Variants in PCDHGB4 observed in about 807,000 individuals in gnomAD.
The protein encoded by PCDHGB4 is protocadherin gamma subfamily B, 4.
In PCDHGB4, 38 loss-of-function variants were observed where a neutral mutation model predicts 60.5. The observed-to-expected ratio is 0.63, with a 90% CI of 0.48 to 0.82. The LOEUF (loss-of-function observed/expected upper bound fraction) is 0.82, where lower values mean the gene tolerates loss of function less well. PCDHGB4 is among the 40% of genes least tolerant of loss of function. PCDHGB4 has a pLI of 0.00. For synonymous variants in PCDHGB4, 456 were observed against 509.7 expected (o/e 0.89, Z 1.42); for missense variants, 1,109 against 1,209.6 (o/e 0.92, Z 1.23).
In PCDHGB4 at chr5:141,493,755, A is replaced by C. The variant is rs1364524112; in HGVS notation, c.2398-1052A>C. Among the ~76,000 whole-genome samples, 1 of 152,148 alleles carries C rather than the reference A, an allele frequency of 6.6e-6. No homozygotes were observed. The highest frequency in any genetic ancestry group is 2.4e-5 in the African/African-American group (1 of 41,440). On this transcript the variant is annotated intron_variant, in intron 1 of 3. Coordinates refer to ENST00000519479, the MANE Select transcript of PCDHGB4 (RefSeq NM_003736.4). The surrounding 1 kb of genome is among the most constrained non-coding windows in gnomAD (Gnocchi z 4.3). ...ATATCACTGCCACCTGTGAGCCTTG[A>C]GTGAGCCACTGGCAGTTCCGGAGCT...
intron 1 of PCDHGB4, among the ~76,000 whole-genome samples, chr5:141,475,299 T>C (rs1227132122): frequency 6.6e-6 from 1 of 152,204 alleles, no homozygotes; most frequent in Non-Finnish European, 1.5e-5. Context: ...AAATTTCTTA[T>C]TGCTCCCTGG....
chr5:141,477,087 C>T lies in PCDHGB4; in HGVS notation c.2398-17720C>T, dbSNP rs748424193. ...AAACTCCATGAGATTTACATCCAGG[C>T]CAAAGACAAGGGCGCCAATCCCGAA... On this transcript the variant is annotated intron_variant, in intron 1 of 3. Coordinates refer to ENST00000519479, the MANE Select transcript of PCDHGB4 (RefSeq NM_003736.4). The surrounding 1 kb of genome is among the most constrained non-coding windows in gnomAD (Gnocchi z 4.9). The T allele has an allele frequency of 1.2e-6, 2 of 1,614,244 alleles. No individual in the cohort carries two copies. Among genetic ancestry groups the T allele is most frequent in the Admixed American group, 3.3e-5 (2 of 60,032 alleles).
chr5:141,418,236 T>C, intron 1 of PCDHGB4: 8 of 1,614,030 alleles, frequency 5.0e-6, no homozygotes, highest in Non-Finnish European at 6.8e-6. Flanking sequence ...ATTGAGGATG[T>C]TAATGACCAC....
intron 1 of PCDHGB4, among the ~76,000 whole-genome samples, chr5:141,469,102 A>G (rs1423904196): frequency 6.6e-6 from 1 of 151,626 alleles, no homozygotes; most frequent in East Asian, 1.9e-4. Flanking sequence ...CAAAGCAAGA[A>G]CCTGTCTCTA....
chr5:141,478,011 G>A (rs1216659966), intron 1 of PCDHGB4: 1 of 1,614,088 alleles, frequency 6.2e-7, no homozygotes, highest in East Asian at 2.2e-5. Flanking sequence ...AGTACTGCCC[G>A]TCCAGTCCAA....
rs1488506612 is a variant in PCDHGB4 at position 141,395,336 on chromosome 5, T to G, written c.2397+5055T>G. ...TTGTGAAGATAGTTGAAAATAATTTTTAAGGTGTATCACAGAGTTTTGGGT... is the reference window on the plus strand; with the variant it reads ...TTGTGAAGATAGTTGAAAATAATTTGTAAGGTGTATCACAGAGTTTTGGGT... On this transcript the variant is annotated intron_variant, in intron 1 of 3. Coordinates refer to ENST00000519479, the MANE Select transcript of PCDHGB4 (RefSeq NM_003736.4). 5 of 1,435,024 alleles carry G rather than the reference T, an allele frequency of 3.5e-6. No homozygotes were observed. In the African/African-American group the frequency reaches 4.3e-5, roughly 12 times the overall value. The allele number at this position is 1,435,024 out of a possible 1,614,324, so 88.9% of individuals were successfully genotyped here. A position where few individuals can be genotyped will look rare whatever the true frequency, so the allele number is the denominator to read the frequency against.
Position 141,476,855 on chromosome 5 carries a change from T to C in PCDHGB4, c.2398-17952T>C, listed in dbSNP as rs149491772. The C allele has an allele frequency of 3.2e-4, 519 of 1,613,836 alleles. 3 individuals carry two copies. The African/African-American group carries it at 6.2e-3, about 19-fold the overall frequency. Reference sequence around the variant, plus strand: ...TGACAATGCGCCTGTCTTCAACCAGTCCTTGTACCGGGCGCGCGTCCTGGA... The same window carrying C: ...TGACAATGCGCCTGTCTTCAACCAGCCCTTGTACCGGGCGCGCGTCCTGGA... On this transcript the variant is annotated intron_variant, in intron 1 of 3. Coordinates refer to ENST00000519479, the MANE Select transcript of PCDHGB4 (RefSeq NM_003736.4). This position sits in a 1 kb window ranked among gnomAD's most constrained non-coding sequence, Gnocchi z 7.6.
At chr5:141,413,389 T>C (rs370906684) in intron 1 of PCDHGB4, 1 of 1,613,986 alleles carries the variant, frequency 6.2e-7, no homozygotes, top group South Asian at 1.1e-5. Context: ...CCGCATAGTC[T>C]CCAGAGGTAG....
chr5:141,409,736 G>A (rs1053484390), intron 1 of PCDHGB4: 3 of 1,613,110 alleles, frequency 1.9e-6, no homozygotes, highest in Non-Finnish European at 2.5e-6. Flanking sequence ...CGCGCAGAGC[G>A]GGGTGGTGTT....
chr5:141,422,961 G>A, intron 1 of PCDHGB4: 1 of 1,614,234 alleles, frequency 6.2e-7, no homozygotes, highest in Non-Finnish European at 8.5e-7. Flanking sequence ...GCGTGGAGCT[G>A]GCGCCCCGCT....
chr5:141,505,259 C>A, intron 2 of PCDHGB4, 134 bp from the exon 3 acceptor site: 1 of 1,500,262 alleles, frequency 6.7e-7, no homozygotes, highest in Non-Finnish European at 8.9e-7. Context: ...GTGCCTCCTA[C>A]CTTGCTGAGA....
At chr5:141,453,865 A>T (rs1048679358) in intron 1 of PCDHGB4, among the ~76,000 whole-genome samples, 2 of 152,234 alleles carry the variant, frequency 1.3e-5, no homozygotes, top group African/African-American at 4.8e-5. Flanking sequence ...AAAATAACAG[A>T]TGAGCAAAAT....
In PCDHGB4 at chr5:141,431,321, G is replaced by A. The variant is rs112186927; in HGVS notation, c.2397+41040G>A. The A allele has an allele frequency of 1.2e-6, 2 of 1,613,938 alleles. No individual in the cohort carries two copies. The highest frequency in any genetic ancestry group is 1.3e-5 in the African/African-American group (1 of 74,910). ...CCTCATCGTGCAAAATGGAGCCGAC[G>A]GTAGTAAGTACCCCGAATTGGTGCT... is the stretch of plus-strand genomic sequence containing the variant. On this transcript the variant is annotated intron_variant, in intron 1 of 3. Transcript: ENST00000519479. The surrounding 1 kb of genome is among the most constrained non-coding windows in gnomAD (Gnocchi z 4.8).
At chr5:141,444,059 T>C (rs2098415588) in intron 1 of PCDHGB4, among the ~76,000 whole-genome samples, 1 of 150,620 alleles carries the variant, frequency 6.6e-6, no homozygotes, top group Admixed American at 6.6e-5. Flanking sequence ...ATCTTCAATC[T>C]AGATTCTGAT....
intron 1 of PCDHGB4, chr5:141,418,840 C>T: frequency 6.2e-7 from 1 of 1,614,006 alleles, no homozygotes; most frequent in Middle Eastern, 1.6e-4. Context: ...GAGGATCTCT[C>T]TCAACACGGT....
chr5:141,393,794 T>C, intron 1 of PCDHGB4: 1 of 1,613,934 alleles, frequency 6.2e-7, no homozygotes, highest in South Asian at 1.1e-5. Flanking sequence ...TGGGGGCACT[T>C]CTGGGGAGGA....
chr5:141,489,101 T>G lies in PCDHGB4; in HGVS notation c.2398-5706T>G. 1 of 398,408 alleles carries G rather than the reference T, an allele frequency of 2.5e-6. No homozygotes were observed. Among genetic ancestry groups the G allele is most frequent in the Non-Finnish European group, 4.5e-6 (1 of 223,328 alleles). The allele number at this position is 398,408 out of a possible 1,614,324, so 24.7% of individuals were successfully genotyped here. On this transcript the variant is annotated intron_variant, in intron 1 of 3. Transcript: ENST00000519479. The surrounding 1 kb of genome is among the most constrained non-coding windows in gnomAD (Gnocchi z 4.5). Reference sequence around the variant, plus strand: ...CCGCCACTCGGTGACTAAGAACTGCTGCAAGCAGGCAAACCTCCGAGCAGT... The same window carrying G: ...CCGCCACTCGGTGACTAAGAACTGCGGCAAGCAGGCAAACCTCCGAGCAGT...
At chr5:141,478,759 A>G in intron 1 of PCDHGB4, 2 of 1,514,800 alleles carry the variant, frequency 1.3e-6, no homozygotes, top group African/African-American at 1.4e-5. Flanking sequence ...GGGGGAAGAT[A>G]CTTGACTCAT....
At chr5:141,421,721 T>G in intron 1 of PCDHGB4, 1 of 1,613,940 alleles carries the variant, frequency 6.2e-7, no homozygotes, top group Non-Finnish European at 8.5e-7. Flanking sequence ...GATGTGGGCG[T>G]GAACTCCCTC....
Sources: allele counts gnomAD v4.1 joint callset (sites outside exome capture counted in the v4.1 genomes callset), GRCh38; gene constraint gnomAD v4.1.1; non-coding constraint Gnocchi (gnomAD v3.1); transcripts MANE v1.5; gene names NCBI Gene and HGNC (gene_info 2026-07-23, HGNC 2026-07-21).